RNF144A: variants seen among roughly 807,000 people sequenced by gnomAD.
RNF144A encodes the protein ring finger protein 144A.
RNF144A carries 11 observed loss-of-function variants against 38.7 expected under a neutral mutation model. The ratio of observed to expected loss-of-function variants is 0.28; its 90% CI spans 0.18 to 0.47. The LOEUF is 0.47. Ranked by LOEUF, RNF144A falls within the 20% of genes least tolerant of loss-of-function variation. The pLI is 0.99. For synonymous variants in RNF144A, 149 were observed against 143.9 expected, an observed-to-expected ratio of 1.04 and a Z score of -0.25; for missense variants, 316 against 377.2, an observed-to-expected ratio of 0.84 and a Z score of 1.34.
Position 6,941,665 on chromosome 2 carries a change from G to C in RNF144A, c.-12+518G>C, listed in dbSNP as rs1337304926. Among the ~76,000 whole-genome samples, 2 of 152,252 alleles carry C rather than the reference G, an allele frequency of 1.3e-5. No homozygotes were observed. Among genetic ancestry groups the C allele is most frequent in the Admixed American group, 1.3e-4 (2 of 15,290 alleles). The stretch of plus-strand genomic sequence containing the variant: ...TGCAACAAGGCCTAGATATTGTAGA[G>C]AAAAGAAAAAGTAGACCATGTCTAG... On this transcript the variant is annotated intron_variant, in intron 2 of 8. Coordinates refer to ENST00000320892, the MANE Select transcript of RNF144A (RefSeq NM_014746.6). This position sits in a 1 kb window ranked among gnomAD's most constrained non-coding sequence, Gnocchi z 6.5.
chr2:7,027,082 G>A (rs936085051), intron 7 of RNF144A, among the ~76,000 whole-genome samples: 1 of 152,172 alleles, frequency 6.6e-6, no homozygotes, highest in Non-Finnish European at 1.5e-5. Flanking sequence ...AGAGAGGAGG[G>A]CTTGCCACGG....
At chr2:6,922,664 G>T (rs1447773486) in intron 1 of RNF144A, among the ~76,000 whole-genome samples, 2 of 145,298 alleles carry the variant, frequency 1.4e-5, no homozygotes, top group South Asian at 4.4e-4. Context: ...TCACTTTGTC[G>T]CCCAGGCTGG....
downstream of RNF144A, among the ~76,000 whole-genome samples, chr2:7,044,601 C>T (rs968825499): frequency 1.3e-5 from 2 of 151,986 alleles, no homozygotes; most frequent in African/African-American, 4.8e-5. Flanking sequence ...AATCAGGAGG[C>T]ATCCTTTATC....
At chr2:6,973,222 T>C (rs1362291739) in intron 2 of RNF144A, among the ~76,000 whole-genome samples, 3 of 152,194 alleles carry the variant, frequency 2.0e-5, no homozygotes, top group Non-Finnish European at 4.4e-5. Flanking sequence ...TCAAACTCAG[T>C]GGCTTCTGAT....
downstream of RNF144A, among the ~76,000 whole-genome samples, chr2:7,070,236 C>T (rs1674414765): frequency 7.2e-5 from 11 of 152,158 alleles, no homozygotes; most frequent in Admixed American, 7.2e-4. Context: ...GTGGTGCTAT[C>T]ACAGCTTACT....
intron 2 of RNF144A, among the ~76,000 whole-genome samples, chr2:6,985,125 G>A (rs556579699): frequency 5.8e-4 from 88 of 152,174 alleles, no homozygotes; most frequent in Non-Finnish European, 2.4e-4. Context: ...CTATGTATTT[G>A]AAATACATAA....
At position 6,958,528 on chromosome 2, in the gene RNF144A, G is replaced by T. The variant is rs955327437; in HGVS notation, c.-12+17381G>T. ...CCCACTTTTTCGTTCTTGGTGGAGC[G>T]CTGGCTCCTTCTGGGAGTTACAAAT... is the stretch of plus-strand genomic sequence containing the variant. On this transcript the variant is annotated intron_variant, in intron 2 of 8. Coordinates refer to ENST00000320892, the MANE Select transcript of RNF144A (RefSeq NM_014746.6). The surrounding 1 kb of genome is among the most constrained non-coding windows in gnomAD (Gnocchi z 4.5). 5.9e-5 allele frequency among the ~76,000 whole-genome samples: 9 copies of T among 152,112 alleles called. No individual in the cohort carries two copies. The highest frequency in any genetic ancestry group is 1.9e-4 in the African/African-American group (8 of 41,422).
At chr2:6,976,003 A>G (rs529602630) in intron 2 of RNF144A, among the ~76,000 whole-genome samples, 11 of 152,326 alleles carry the variant, frequency 7.2e-5, no homozygotes, top group African/African-American at 2.6e-4. Context: ...GCGGCACAGT[A>G]TTCCATTGTG....
At chr2:7,029,390 G>C (rs1220775994) in intron 7 of RNF144A, among the ~76,000 whole-genome samples, 1 of 152,212 alleles carries the variant, frequency 6.6e-6, no homozygotes, top group Admixed American at 6.5e-5. Flanking sequence ...CACTTAGAGA[G>C]ACCAACATGT....
At chr2:6,929,328 G>A (rs1665070891) in intron 1 of RNF144A, among the ~76,000 whole-genome samples, 1 of 152,138 alleles carries the variant, frequency 6.6e-6, no homozygotes, top group South Asian at 2.1e-4. Context: ...CTCCTTGACA[G>A]TGGAGTTGAG....
intron 3 of RNF144A, among the ~76,000 whole-genome samples, chr2:7,002,772 A>G (rs1343968940): frequency 6.6e-6 from 1 of 152,134 alleles, no homozygotes; most frequent in Non-Finnish European, 1.5e-5. Context: ...CTTATGAAAA[A>G]ATAAGAGAGG....
intron 7 of RNF144A, among the ~76,000 whole-genome samples, chr2:7,027,540 A>T (rs944112803): frequency 6.6e-6 from 1 of 152,150 alleles, no homozygotes; most frequent in Non-Finnish European, 1.5e-5. Context: ...AACTCTAAAA[A>T]CCACATCTTT....
chr2:6,956,387 A>G (rs907519220), intron 2 of RNF144A, among the ~76,000 whole-genome samples: 1 of 152,234 alleles, frequency 6.6e-6, no homozygotes, highest in African/African-American at 2.4e-5. Flanking sequence ...AGGTGCCTCC[A>G]GAAGAAGCAG....
intron 2 of RNF144A, among the ~76,000 whole-genome samples, chr2:6,948,404 T>C (rs1191761701): frequency 6.6e-6 from 1 of 152,268 alleles, no homozygotes; most frequent in Admixed American, 6.5e-5. Context: ...CTATCATTTG[T>C]TTATCACTTT....
chr2:6,939,841 C>G (rs998121845), intron 1 of RNF144A, among the ~76,000 whole-genome samples: 4 of 151,918 alleles, frequency 2.6e-5, no homozygotes, highest in African/African-American at 9.7e-5. Flanking sequence ...TCATGATACT[C>G]TTGTCAAGAA....
At chr2:7,056,012 A>G (rs1673725515) in intron 6 of RNF144A, among the ~76,000 whole-genome samples, 1 of 152,178 alleles carries the variant, frequency 6.6e-6, no homozygotes, top group African/African-American at 2.4e-5. Context: ...ACTAGTCAGA[A>G]GACTAGGTAA....
chr2:7,068,159 T>C, intron 6 of RNF144A: 2 of 897,320 alleles, frequency 2.2e-6, no homozygotes, highest in Non-Finnish European at 3.2e-6. Context: ...ACAAGTATCA[T>C]TGAGTAAGCT....
In RNF144A at chr2:6,945,938, G is replaced by C. The variant is rs140298110; in HGVS notation, c.-12+4791G>C. ...GGGAGCCCCTTGGAGCCTGGAGTCT[G>C]AAGATTTGCCATCAGGAGGAGGTAG... is the stretch of plus-strand genomic sequence containing the variant. On this transcript the variant is annotated intron_variant, in intron 2 of 8. Coordinates refer to ENST00000320892, the MANE Select transcript of RNF144A (RefSeq NM_014746.6). Among the ~76,000 whole-genome samples, 475 of 152,264 alleles carry C rather than the reference G, an allele frequency of 3.1e-3. 4 individuals carry two copies. Among genetic ancestry groups the C allele is most frequent in the African/African-American group, 0.011 (437 of 41,542 alleles).
At chr2:6,990,326 C>G (rs967904995) in intron 2 of RNF144A, among the ~76,000 whole-genome samples, 8 of 151,202 alleles carry the variant, frequency 5.3e-5, no homozygotes, top group African/African-American at 1.5e-4. Flanking sequence ...CGGTCCCACC[C>G]TTACGAGCTC....
Sources: gnomAD v4.1 joint callset for allele counts (sites outside exome capture counted in the v4.1 genomes callset) on GRCh38, gnomAD v4.1.1 for gene constraint, Gnocchi (gnomAD v3.1) non-coding constraint, MANE v1.5 for transcripts, NCBI Gene and HGNC (gene_info 2026-07-23, HGNC 2026-07-21) for gene names.